Variants in ASTN1 observed in about 807,000 individuals in gnomAD.
ASTN1 encodes the protein astrotactin-1.
In ASTN1, 41 loss-of-function variants were observed where a neutral mutation model predicts 140.7. That is an observed-to-expected ratio of 0.29 (90% confidence interval 0.23 to 0.38). ASTN1 has a LOEUF of 0.38. ASTN1 is among the 10% of genes least tolerant of loss of function. The pLI is 1.00. For missense variants in ASTN1, 1,479 were observed against 1,678.8 expected (o/e 0.88, Z 2.08); for synonymous variants, 640 against 652.2 (o/e 0.98, Z 0.29).
At chr1:177,132,315 C>T (rs752188746) in intron 1 of ASTN1, among the ~76,000 whole-genome samples, 3 of 152,148 alleles carry the variant, frequency 2.0e-5, no homozygotes, top group Non-Finnish European at 4.4e-5. Flanking sequence ...TTTTAGGTTA[C>T]CAGTTACTAT....
intron 1 of ASTN1, among the ~76,000 whole-genome samples, chr1:177,149,937 C>T (rs964129768): frequency 6.7e-6 from 1 of 149,382 alleles, no homozygotes; most frequent in Non-Finnish European, 1.5e-5. Context: ...GATCAAACTC[C>T]TGGTTCTGTA....
chr1:177,034,244 AACACAC>A (rs5778922), intron 2 of ASTN1, among the ~76,000 whole-genome samples: 6,499 of 143,126 alleles, frequency 0.045, 210 homozygotes, highest in African/African-American at 0.095. Flanking sequence ...TGAGCAAAGG[AACACAC>A]ACACACACAC....
chr1:177,097,737 T>C (rs1680093292), intron 1 of ASTN1, among the ~76,000 whole-genome samples: 1 of 152,068 alleles, frequency 6.6e-6, no homozygotes, highest in Non-Finnish European at 1.5e-5. Context: ...GATTGAAACC[T>C]TGGAACCTTC....
chr1:176,878,714 T>C (rs1668667285), intron 20 of ASTN1, among the ~76,000 whole-genome samples: 1 of 152,056 alleles, frequency 6.6e-6, no homozygotes. Flanking sequence ...CTCTAGACCA[T>C]CTTGACCTTC....
At chr1:176,898,805 C>T (rs188865088) in intron 16 of ASTN1, among the ~76,000 whole-genome samples, 245 of 152,344 alleles carry the variant, frequency 1.6e-3, no homozygotes, top group African/African-American at 5.7e-3. Context: ...CTTCCCTCTT[C>T]TACCCTCTAG....
At chr1:176,917,750 C>A (rs1670550909) in intron 16 of ASTN1, among the ~76,000 whole-genome samples, 1 of 152,070 alleles carries the variant, frequency 6.6e-6, no homozygotes, top group African/African-American at 2.4e-5. Flanking sequence ...CTGCCAGCAT[C>A]CTCACATCTG....
chr1:177,085,557 C>T (rs1450496829), intron 1 of ASTN1, among the ~76,000 whole-genome samples: 1 of 152,170 alleles, frequency 6.6e-6, no homozygotes, highest in Non-Finnish European at 1.5e-5. Context: ...CCCCACTTTG[C>T]CACTTACTGG....
chr1:177,137,643 G>T (rs1279995600), intron 1 of ASTN1, among the ~76,000 whole-genome samples: 3 of 152,246 alleles, frequency 2.0e-5, no homozygotes, highest in African/African-American at 7.2e-5. Context: ...AACTGTCAAG[G>T]TCTGTGAAGG....
intron 1 of ASTN1, among the ~76,000 whole-genome samples, chr1:177,096,535 T>C (rs1306424549): frequency 1.3e-5 from 2 of 152,152 alleles, no homozygotes; most frequent in Admixed American, 6.5e-5. Flanking sequence ...TCAAATCTCA[T>C]CTTGAGTTGT....
chr1:177,085,339 C>T (rs575862083), intron 1 of ASTN1, among the ~76,000 whole-genome samples: 5 of 152,048 alleles, frequency 3.3e-5, no homozygotes, highest in South Asian at 2.1e-4. Flanking sequence ...TTGGAGTAGA[C>T]GTTAGAAAAA....
chr1:176,859,964 G>A (rs569064835), downstream of ASTN1, among the ~76,000 whole-genome samples: 1 of 152,242 alleles, frequency 6.6e-6, no homozygotes, highest in East Asian at 1.9e-4. Context: ...CAGTCTTGGG[G>A]TCTCAATACA....
intron 1 of ASTN1, among the ~76,000 whole-genome samples, chr1:177,127,756 C>G (rs1405660408): frequency 6.6e-6 from 1 of 152,214 alleles, no homozygotes; most frequent in Non-Finnish European, 1.5e-5. Context: ...TACAATTTTA[C>G]TTTCAAACTC....
intron 2 of ASTN1, among the ~76,000 whole-genome samples, chr1:177,048,397 C>T (rs1677358738): frequency 6.6e-6 from 1 of 152,156 alleles, no homozygotes; most frequent in African/African-American, 2.4e-5. Flanking sequence ...ACCATCCTAC[C>T]AGAAAGTTCC....
Position 177,067,470 on chromosome 1 carries a change from C to A in ASTN1, c.284-6205G>T, listed in dbSNP as rs191095303. ...CAAAGATAGGCCTATGATAGAAATA[C>A]CCCCCTCTTCTGTTCTTTTTTTCCT... On this transcript the variant is annotated intron_variant, in intron 1 of 22. Transcript: ENST00000361833. Among the ~76,000 whole-genome samples, 131 of 152,148 alleles carry A rather than the reference C, an allele frequency of 8.6e-4. No homozygotes were observed. In the Middle Eastern group the frequency reaches 0.01, roughly 12 times the overall value.
chr1:176,988,007 T>G (rs1673985506), intron 8 of ASTN1, among the ~76,000 whole-genome samples: 1 of 152,116 alleles, frequency 6.6e-6, no homozygotes, highest in African/African-American at 2.4e-5. Context: ...TTGATGCTAT[T>G]TATACAGGTC....
intron 9 of ASTN1, among the ~76,000 whole-genome samples, chr1:176,961,426 G>A (rs1672655761): frequency 6.6e-6 from 1 of 152,200 alleles, no homozygotes; most frequent in South Asian, 2.1e-4. Context: ...GGTGTTGGGT[G>A]AGACTAACCT....
intron 21 of ASTN1, among the ~76,000 whole-genome samples, chr1:176,869,762 G>A (rs779604438): frequency 6.6e-6 from 1 of 152,186 alleles, no homozygotes; most frequent in Non-Finnish European, 1.5e-5. Flanking sequence ...GCATGTGCTT[G>A]AATACCAGGG....
At chr1:176,924,868 A>G (rs1670889095) in intron 16 of ASTN1, among the ~76,000 whole-genome samples, 1 of 152,200 alleles carries the variant, frequency 6.6e-6, no homozygotes, top group Admixed American at 6.5e-5. Context: ...GTTAGGATGC[A>G]AAACTCTTCA....
chr1:177,031,241 C>A (rs950916908), intron 3 of ASTN1, among the ~76,000 whole-genome samples: 10 of 152,116 alleles, frequency 6.6e-5, no homozygotes, highest in Non-Finnish European at 4.4e-5. Context: ...GCACTTGTAA[C>A]CCTTTGGCTA....
Sources: allele counts gnomAD v4.1 joint callset (sites outside exome capture counted in the v4.1 genomes callset), GRCh38; gene constraint gnomAD v4.1.1; transcripts MANE v1.5; gene names NCBI Gene and HGNC (gene_info 2026-07-23, HGNC 2026-07-21).